MACF1: variants seen among roughly 807,000 people sequenced by gnomAD.
MACF1 encodes microtubule-actin cross-linking factor 1.
In MACF1, 193 loss-of-function variants were observed where a neutral mutation model predicts 854.8. The observed-to-expected ratio is 0.23, with a 90% CI of 0.20 to 0.25. The LOEUF is 0.25. Ranked by LOEUF, MACF1 falls within the 10% of genes least tolerant of loss-of-function variation. The pLI, the probability that MACF1 is intolerant of heterozygous loss-of-function variation, is 1.00. For missense variants in MACF1, 7,722 were observed against 8,929.1 expected, an observed-to-expected ratio of 0.86 and a Z score of 5.45; for synonymous variants, 3,185 against 3,226.7, an observed-to-expected ratio of 0.99 and a Z score of 0.44.
chr1:39,302,670 T>C (rs1177892444), intron 22 of MACF1, among the ~76,000 whole-genome samples: 1 of 152,242 alleles, frequency 6.6e-6, no homozygotes, highest in Middle Eastern at 3.2e-3. Flanking sequence ...TTTCATAGTC[T>C]GGGTTACTTG....
chr1:39,159,662 G>T (rs769617556), intron 2 of MACF1, among the ~76,000 whole-genome samples: 1 of 152,230 alleles, frequency 6.6e-6, no homozygotes, highest in African/African-American at 2.4e-5. Context: ...CAGATGTGAT[G>T]TAGGACTCTT....
chr1:39,411,640 T>C (rs1448656549), intron 58 of MACF1: 17 of 1,613,882 alleles, frequency 1.1e-5, no homozygotes, highest in Non-Finnish European at 1.4e-5. Flanking sequence ...AGAACAGCTC[T>C]CTGACACAGA....
intron 78 of MACF1, 113 bp from the exon 79 acceptor site, chr1:39,443,333 G>C: frequency 8.9e-7 from 1 of 1,125,810 alleles, no homozygotes; most frequent in Non-Finnish European, 1.3e-6. Flanking sequence ...AGCTTTGCCA[G>C]AGAGCAGCCG....
intron 5 of MACF1, among the ~76,000 whole-genome samples, chr1:39,256,530 T>C (rs1463148246): frequency 6.6e-6 from 1 of 151,942 alleles, no homozygotes; most frequent in Non-Finnish European, 1.5e-5. Context: ...GTAGAAGAGA[T>C]AAAGGGAGGA....
At chr1:39,273,131 ATTTTTTTTTTT>A (rs561821846) in intron 6 of MACF1, among the ~76,000 whole-genome samples, 1 of 120,448 alleles carries the variant, frequency 8.3e-6, no homozygotes, top group South Asian at 2.5e-4. Context: ...CTCTATACCA[ATTTTTTTTTTT>A]TTTTTTTTTT....
intron 28 of MACF1, 27 bp from the exon 29 acceptor site, chr1:39,317,187 C>A (rs1646429325): frequency 6.2e-7 from 1 of 1,606,764 alleles, no homozygotes; most frequent in Non-Finnish European, 8.5e-7. Flanking sequence ...AAGTATACAA[C>A]CTGTTTCTGT....
rs1238814168 is a variant in MACF1, at chr1:39,333,522, A to G, written c.6934A>G (p.Ile2312Val). 3.1e-6 allele frequency: 5 copies of G among 1,614,210 alleles called. No individual in the cohort carries two copies. The highest frequency in any genetic ancestry group is 4.2e-6 in the Non-Finnish European group (5 of 1,180,024). The change falls in exon 37 of 101, where the codon ATA becomes GTA. Residue 2312 changes from isoleucine to valine, a missense_variant. Physicochemically the swap from Ile to Val is conservative, Grantham distance 29 (BLOSUM62 3). Transcript: ENST00000564288. ...TCAAAAGCTCTTACTAAATGAAGCA[A>G]TATCCCGAGGCATTGTGCCAAGTCA... Reference protein sequence around the residue: ...TGQKLLLNEAISRGIVPSHTA... With the variant: ...TGQKLLLNEAVSRGIVPSHTA...
Position 39,382,117 on chromosome 1 carries a change from C to G in MACF1, c.13813C>G (p.Pro4605Ala). Residue 4605 changes from proline (P) to alanine (A), a missense_variant, in exon 56 of 101, where the codon CCC (proline) becomes GCC (alanine). Around this residue, in one of 15 missense-constraint regions of MACF1, gnomAD observed 2,807 missense variants for 3,235.8 expected, o/e 0.87. Transcript: ENST00000564288. ...MGVLGPLSID[P>A]NMLNAQKQQV... ...AGTGCTGGGGCCCCTGTCTATTGACCCCAACATGTTGAATGCACAAAAGCA... is the reference window on the plus strand; with the variant it reads ...AGTGCTGGGGCCCCTGTCTATTGACGCCAACATGTTGAATGCACAAAAGCA... 1 of 1,613,898 alleles carries G rather than the reference C, an allele frequency of 6.2e-7. No individual in the cohort carries two copies. Among genetic ancestry groups the G allele is most frequent in the South Asian group, 1.1e-5 (1 of 91,064 alleles).
chr1:39,323,649 G>T (rs1264138804), intron 33 of MACF1, among the ~76,000 whole-genome samples: 1 of 151,878 alleles, frequency 6.6e-6, no homozygotes, highest in Non-Finnish European at 1.5e-5. Context: ...TGAATTTATT[G>T]TAATGAGCAT....
At chr1:39,193,600 C>G (rs983054488) in intron 2 of MACF1, among the ~76,000 whole-genome samples, 1 of 152,300 alleles carries the variant, frequency 6.6e-6, no homozygotes, top group East Asian at 1.9e-4. Context: ...ATATATTATG[C>G]ATTTTCTCAC....
chr1:39,169,416 G>A (rs1327930096), intron 2 of MACF1, among the ~76,000 whole-genome samples: 2 of 152,036 alleles, frequency 1.3e-5, no homozygotes, highest in Non-Finnish European at 2.9e-5. Context: ...GGCAACATAG[G>A]GAAACTGTGT....
At chr1:39,238,390 A>G (rs908972069) in intron 2 of MACF1, among the ~76,000 whole-genome samples, 48 of 152,220 alleles carry the variant, frequency 3.2e-4, no homozygotes, top group Non-Finnish European at 5.9e-5. Flanking sequence ...AGCTTATATT[A>G]TAGAACTTAG....
At chr1:39,261,353 A>G (rs1645161970) in intron 6 of MACF1, among the ~76,000 whole-genome samples, 1 of 152,212 alleles carries the variant, frequency 6.6e-6, no homozygotes, top group Non-Finnish European at 1.5e-5. Flanking sequence ...CATACCATCA[A>G]ATCAACTAAT....
At chr1:39,144,663 TTTTTTCAAATAGAGACA>T (rs1337198748) in intron 2 of MACF1, among the ~76,000 whole-genome samples, 1 of 149,656 alleles carries the variant, frequency 6.7e-6, no homozygotes, top group African/African-American at 2.5e-5. Flanking sequence ...GGTCTTTTTT[TTTTTTCAAATAGAGACA>T]AGGTCTCACT....
At position 39,327,369 on chromosome 1, in the gene MACF1, A is replaced by G. The variant is rs755916991; in HGVS notation, c.4614+16A>G. The G allele has an allele frequency of 1.3e-6, 2 of 1,576,702 alleles. No individual in the cohort carries two copies. The highest frequency in any genetic ancestry group is 3.4e-5 in the Admixed American group (2 of 59,076). ...AGAACAAAAGGTACTTTTAGTTTTCATCTCCAAATATTGGGTGGATACCTT... is the reference window on the plus strand; with the variant it reads ...AGAACAAAAGGTACTTTTAGTTTTCGTCTCCAAATATTGGGTGGATACCTT... On this transcript the variant is annotated intron_variant, in intron 36 of 100. Coordinates refer to ENST00000564288, the MANE Select transcript of MACF1 (RefSeq NM_001394062.1).
intron 70 of MACF1, chr1:39,436,120 T>C: frequency 2.5e-6 from 1 of 398,658 alleles, no homozygotes; most frequent in Non-Finnish European, 4.5e-6. Flanking sequence ...TTTTTTGCTT[T>C]AGAGCAACAG....
Position 39,247,946 on chromosome 1 carries a change from C to T in MACF1, c.172-2068C>T, listed in dbSNP as rs559765384. Among the ~76,000 whole-genome samples, 8 of 152,268 alleles carry T rather than the reference C, an allele frequency of 5.3e-5. No individual in the cohort carries two copies. The South Asian group carries it at 6.2e-4, about 12-fold the overall frequency. On this transcript the variant is annotated intron_variant, in intron 2 of 100. Coordinates refer to ENST00000564288, the MANE Select transcript of MACF1 (RefSeq NM_001394062.1). ...CTGAGGCAGGAGAATCACTTGAACT[C>T]GGGAGGCAGAGGTTGCCGTGAGCCA...
rs191008659 is a variant in MACF1 at position 39,478,300 on chromosome 1, G to A, written c.21959-1498G>A. 1.3e-3 allele frequency among the ~76,000 whole-genome samples: 193 copies of A among 152,280 alleles called. 1 individual carries two copies. Among genetic ancestry groups the A allele is most frequent in the Non-Finnish European group, 2.1e-3 (141 of 68,030 alleles). ...TTACAGACATGAGCCACTTCGCCCG[G>A]CCAAGGGTCATGTATTGTTGAGGCT... is the stretch of plus-strand genomic sequence containing the variant. On this transcript the variant is annotated intron_variant, in intron 97 of 100. Transcript: ENST00000564288.
intron 58 of MACF1, among the ~76,000 whole-genome samples, chr1:39,408,946 C>G (rs1642843089): frequency 6.6e-6 from 1 of 151,066 alleles, no homozygotes. Flanking sequence ...CGCCGGGCCC[C>G]GCCCCCGCCC....
Sources: allele counts gnomAD v4.1 joint callset (sites outside exome capture counted in the v4.1 genomes callset), GRCh38; gene constraint gnomAD v4.1.1; regional missense constraint gnomAD v4.1.1; transcripts MANE v1.5; gene names NCBI Gene and HGNC (gene_info 2026-07-23, HGNC 2026-07-21).